Variants in ANKRD28 observed in about 807,000 individuals in gnomAD.
ANKRD28 encodes the protein ankyrin repeat domain 28.
A neutral mutation model predicts 126.5 loss-of-function variants in ANKRD28; 44 were observed. That is an observed-to-expected ratio of 0.35 (90% CI 0.27 to 0.45). The LOEUF is 0.45. Ranked by LOEUF, ANKRD28 falls within the 20% of genes least tolerant of loss-of-function variation. ANKRD28 has a pLI of 1.00. For synonymous variants in ANKRD28, 442 were observed against 468.5 expected (o/e 0.94, Z 0.73); for missense variants, 1,110 against 1,316.6 (o/e 0.84, Z 2.43).
Position 15,668,447 on chromosome 3 carries a change from T to C in ANKRD28, c.*1823A>G, listed in dbSNP as rs992706241. 2.6e-5 allele frequency: 4 copies of C among 152,526 alleles called. No individual in the cohort carries two copies. The highest frequency in any genetic ancestry group is 5.9e-5 in the Non-Finnish European group (4 of 67,992). The allele number at this position is 152,526 out of a possible 1,614,324, so 9.4% of individuals were successfully genotyped here. ...TCCTACTACTAATAATTAGGAAGGG[T>C]TCATTATGACTTCTTTATATTATAA... On this transcript the variant is annotated 3_prime_UTR_variant, in exon 28 of 28. Transcript: ENST00000683139.
intron 4 of ANKRD28, among the ~76,000 whole-genome samples, chr3:15,750,814 G>T (rs1032398973): frequency 3.3e-5 from 5 of 152,134 alleles, no homozygotes; most frequent in African/African-American, 7.2e-5. Context: ...AGAAGAAGCA[G>T]TAGCTACACT....
rs777444748 is a variant in ANKRD28 at position 15,686,270 on chromosome 3, C to T, written c.2003G>A (p.Gly668Glu). 22 of 1,591,940 alleles carry T rather than the reference C, an allele frequency of 1.4e-5. No homozygotes were observed. The highest frequency in any genetic ancestry group is 1.8e-5 in the Non-Finnish European group (21 of 1,167,830). Residue 668 changes from glycine to glutamate, a missense_variant, in exon 19 of 28, where the codon GGA (glycine) becomes GAA (glutamate). By Grantham distance (98) the Gly-to-Glu change is moderately conservative (BLOSUM62 -2). Transcript: ENST00000683139. ...GHSECLRLLI[G>E]NAEPQNAVDI... ...CACTGCATTCTGTGGTTCTGCATTT[C>T]CTATTAATAGCCGTAAGCATTCTGA... is the stretch of plus-strand genomic sequence containing the variant.
chr3:15,784,642 A>T (rs2059691301), intron 2 of ANKRD28, among the ~76,000 whole-genome samples: 2 of 151,698 alleles, frequency 1.3e-5, no homozygotes, highest in South Asian at 4.2e-4. Context: ...AAAATGATAA[A>T]CAGTAATCCA....
chr3:15,677,455 A>G, intron 25 of ANKRD28, 25 bp downstream of exon 25: 1 of 1,547,882 alleles, frequency 6.5e-7, no homozygotes, highest in Non-Finnish European at 8.9e-7. Context: ...AACAATGGAA[A>G]CATATTCTTA....
intron 3 of ANKRD28, among the ~76,000 whole-genome samples, chr3:15,758,878 G>C (rs1341789034): frequency 6.6e-6 from 1 of 152,204 alleles, no homozygotes; most frequent in Non-Finnish European, 1.5e-5. Flanking sequence ...GTGTTTTCTA[G>C]TAAGGAGAGT....
intron 1 of ANKRD28, among the ~76,000 whole-genome samples, chr3:15,795,603 G>A (rs764647722): frequency 1.3e-5 from 2 of 152,028 alleles, no homozygotes; most frequent in Non-Finnish European, 1.5e-5. Context: ...ATGACAAAAA[G>A]AAAGACTCTT....
At chr3:15,820,992 A>G (rs547861413) in intron 1 of ANKRD28, among the ~76,000 whole-genome samples, 5 of 152,290 alleles carry the variant, frequency 3.3e-5, no homozygotes, top group African/African-American at 7.2e-5. Context: ...GGGTTTCTCA[A>G]TGTTGGCACT....
rs540839458 is a variant in ANKRD28 at position 15,690,034 on chromosome 3, G to A, written c.1948C>T (p.Pro650Ser). Residue 650 changes from proline (P) to serine (S), a missense_variant, in exon 18 of 28, where the codon CCT becomes TCT. Coordinates refer to ENST00000683139, the MANE Select transcript of ANKRD28 (RefSeq NM_001349278.2). ...LVKDYILKRT[P>S]IHAAATNGHS... ...TCTGGCATACCTGCTGCATGAATAG[G>A]TGTCCTCTTCAAAATGTAATCTTTT... 10 of 1,608,572 alleles carry A rather than the reference G, an allele frequency of 6.2e-6. No individual in the cohort carries two copies. In the South Asian group the frequency reaches 8.9e-5, roughly 14 times the overall value.
At chr3:15,675,340 G>A (rs2125636667) in intron 27 of ANKRD28, among the ~76,000 whole-genome samples, 1 of 152,308 alleles carries the variant, frequency 6.6e-6, no homozygotes, top group Admixed American at 6.5e-5. Flanking sequence ...CAGCAAGAGA[G>A]TAGTTTTGCT....
At chr3:15,770,037 T>TAA (rs77413206) in intron 2 of ANKRD28, among the ~76,000 whole-genome samples, 6 of 133,442 alleles carry the variant, frequency 4.5e-5, no homozygotes, top group Non-Finnish European at 8.2e-5. Context: ...TGGTCTAACT[T>TAA]AAAAAAAAAA....
intron 21 of ANKRD28, among the ~76,000 whole-genome samples, chr3:15,681,493 G>A (rs1419477782): frequency 6.6e-6 from 1 of 152,134 alleles, no homozygotes; most frequent in East Asian, 1.9e-4. Context: ...CAAATAAAAT[G>A]TTGCTTATTT....
intron 27 of ANKRD28, among the ~76,000 whole-genome samples, chr3:15,672,768 T>C (rs2066506187): frequency 6.6e-6 from 1 of 152,104 alleles, no homozygotes; most frequent in Non-Finnish European, 1.5e-5. Context: ...AACAGGCTCC[T>C]CTCCTCTGCA....
Position 15,721,143 on chromosome 3 carries a change from A to C in ANKRD28, c.784-16T>G, listed in dbSNP as rs1409581162. Reference sequence around the variant, plus strand: ...GTTCATTCATCTATTAGAAGGGAAAAAAATGCGAATGTTAAAGTAGTTTTG... The same window carrying C: ...GTTCATTCATCTATTAGAAGGGAAACAAATGCGAATGTTAAAGTAGTTTTG... On this transcript the variant is annotated splice_polypyrimidine_tract_variant and intron_variant, in intron 7 of 27. Transcript: ENST00000683139. 2 of 1,594,118 alleles carry C rather than the reference A, an allele frequency of 1.3e-6. No homozygotes were observed. The highest frequency in any genetic ancestry group is 1.7e-6 in the Non-Finnish European group (2 of 1,169,632).
intron 6 of ANKRD28, among the ~76,000 whole-genome samples, chr3:15,728,881 A>G (rs185181290): frequency 1.3e-5 from 2 of 152,318 alleles, no homozygotes; most frequent in East Asian, 3.9e-4. Context: ...ATACTGTGTG[A>G]TGGTTAACAA....
chr3:15,696,599 T>C (rs1258060105), intron 14 of ANKRD28, among the ~76,000 whole-genome samples: 4 of 152,224 alleles, frequency 2.6e-5, no homozygotes, highest in African/African-American at 7.2e-5. Context: ...GGTGAGTACA[T>C]AATATTGGCA....
chr3:15,687,496 T>C (rs535187018), intron 18 of ANKRD28, among the ~76,000 whole-genome samples: 2 of 152,286 alleles, frequency 1.3e-5, no homozygotes, highest in South Asian at 2.1e-4. Flanking sequence ...CCTGTTAATA[T>C]ATACAAAGTC....
chr3:15,724,533 G>T lies in ANKRD28; in HGVS notation c.641-9C>A. Reference sequence around the variant, plus strand: ...CACTACTTCAATGTGACCTAAAAATGTGTTTTTGAAGAAAAAAATAGAGAT... The same window carrying T: ...CACTACTTCAATGTGACCTAAAAATTTGTTTTTGAAGAAAAAAATAGAGAT... On this transcript the variant is annotated splice_polypyrimidine_tract_variant and intron_variant, in intron 6 of 27. Coordinates refer to ENST00000683139, the MANE Select transcript of ANKRD28 (RefSeq NM_001349278.2). 1 of 1,558,634 alleles carries T rather than the reference G, an allele frequency of 6.4e-7. No homozygotes were observed.
Position 15,721,079 on chromosome 3 carries a change from A to C in ANKRD28, c.832T>G (p.Tyr278Asp), listed in dbSNP as rs778927420. The change falls in exon 8 of 28, where the codon TAT (tyrosine) becomes GAT (aspartate). Residue 278 changes from tyrosine to aspartate, a missense_variant. By Grantham distance (160) the Tyr-to-Asp change is radical. Transcript: ENST00000683139. ...TTCACTACAACATCTTGTCCATTATAGCAGGCTACATGAAGAGGTGTATTT... is the reference window on the plus strand; with the variant it reads ...TTCACTACAACATCTTGTCCATTATCGCAGGCTACATGAAGAGGTGTATTT... ...YGNTPLHVAC[Y>D]NGQDVVVNEL... 1 of 1,613,812 alleles carries C rather than the reference A, an allele frequency of 6.2e-7. No homozygotes were observed. The highest frequency in any genetic ancestry group is 1.1e-5 in the South Asian group (1 of 91,048).
At position 15,817,646 on chromosome 3, in the gene ANKRD28, C is replaced by T. The variant is rs1420552760; in HGVS notation, c.28-22340G>A. ...AACTAAGATTCCTTTGCTAAGTGATCGCTATACTGAGATTTATATATTTAA... is the reference window on the plus strand; with the variant it reads ...AACTAAGATTCCTTTGCTAAGTGATTGCTATACTGAGATTTATATATTTAA... On this transcript the variant is annotated intron_variant, in intron 1 of 27. Transcript: ENST00000399451. The surrounding 1 kb of genome is among the most constrained non-coding windows in gnomAD (Gnocchi z 4.5). Among the ~76,000 whole-genome samples, 3 of 152,032 alleles carry T rather than the reference C, an allele frequency of 2.0e-5. No individual in the cohort carries two copies. Among genetic ancestry groups the T allele is most frequent in the Admixed American group, 6.6e-5 (1 of 15,250 alleles).
Sources: gnomAD v4.1 joint callset for allele counts (sites outside exome capture counted in the v4.1 genomes callset) on GRCh38, gnomAD v4.1.1 for gene constraint, Gnocchi (gnomAD v3.1) non-coding constraint, MANE v1.5 for transcripts, NCBI Gene and HGNC (gene_info 2026-07-23, HGNC 2026-07-21) for gene names.